The following TCERG1L variants were observed in gnomAD, a reference collection of about 807,000 sequenced individuals.
The protein encoded by TCERG1L is transcription elongation regulator 1-like protein.
Under a neutral mutation model 56.3 loss-of-function variants are expected in TCERG1L, and 37 were observed. That is an observed-to-expected ratio of 0.66 (90% CI 0.51 to 0.87). The LOEUF is 0.87. Ranked by LOEUF, TCERG1L falls within the 40% of genes least tolerant of loss-of-function variation. The probability of loss-of-function intolerance (pLI) is 0.00; values close to 1 mark genes in which losing one functional copy is unlikely to be tolerated. For synonymous variants in TCERG1L, 324 were observed against 326.3 expected (o/e 0.99, Z 0.08); for missense variants, 799 against 774.2 (o/e 1.03, Z -0.38).
chr10:131,198,797 G>A (rs941978678), intron 4 of TCERG1L, among the ~76,000 whole-genome samples: 3 of 147,842 alleles, frequency 2.0e-5, no homozygotes, highest in Non-Finnish European at 3.0e-5. Flanking sequence ...ATGGGGCCCC[G>A]AGCCTCTCTG....
intron 4 of TCERG1L, among the ~76,000 whole-genome samples, chr10:131,170,807 A>C (rs1179211161): frequency 6.6e-6 from 1 of 152,178 alleles, no homozygotes; most frequent in African/African-American, 2.4e-5. Context: ...AAAAGTATTC[A>C]ACACCAGCCT....
rs571577392 is a variant in TCERG1L, at chr10:131,124,145, G to A, written c.1260-7211C>T. Among the ~76,000 whole-genome samples, 3 of 152,258 alleles carry A rather than the reference G, an allele frequency of 2.0e-5. No individual in the cohort carries two copies. In the South Asian group the frequency reaches 6.2e-4, roughly 32 times the overall value. ...GATGCACATCTGCACACACTGCCTG[G>A]CCCTTTGGTCAGGGTTGGACCATCC... On this transcript the variant is annotated intron_variant, in intron 8 of 11. Coordinates refer to ENST00000368642, the MANE Select transcript of TCERG1L (RefSeq NM_174937.4).
chr10:131,293,193 T>TA (rs1846651822), intron 3 of TCERG1L, among the ~76,000 whole-genome samples: 3 of 152,202 alleles, frequency 2.0e-5, no homozygotes, highest in African/African-American at 7.2e-5. Flanking sequence ...CTTTATTTTT[T>TA]ATCATATGCT....
At chr10:131,111,723 C>G (rs933250394) in intron 9 of TCERG1L, among the ~76,000 whole-genome samples, 1 of 143,042 alleles carries the variant, frequency 7.0e-6, no homozygotes, top group African/African-American at 2.5e-5. Flanking sequence ...GATTAGTTAT[C>G]TTGGGGCCTG....
intron 8 of TCERG1L, among the ~76,000 whole-genome samples, chr10:131,131,541 A>G (rs2069481130): frequency 6.6e-6 from 1 of 152,234 alleles, no homozygotes; most frequent in African/African-American, 2.4e-5. Context: ...CACGTAGATT[A>G]GAATATTTCA....
chr10:131,295,480 T>C (rs1221485956), intron 3 of TCERG1L, among the ~76,000 whole-genome samples: 1 of 152,236 alleles, frequency 6.6e-6, no homozygotes, highest in Non-Finnish European at 1.5e-5. Flanking sequence ...CTTTGTTTTG[T>C]TTTCATGAAC....
chr10:131,140,864 G>A (rs539267853), intron 7 of TCERG1L, among the ~76,000 whole-genome samples: 1 of 152,156 alleles, frequency 6.6e-6, no homozygotes, highest in Admixed American at 6.5e-5. Flanking sequence ...TGGAGGTGCC[G>A]CCTGCACTGG....
At position 131,158,323 on chromosome 10, in the gene TCERG1L, T is replaced by G. The variant is rs77520972; in HGVS notation, c.1034+4799A>C. The stretch of plus-strand genomic sequence containing the variant: ...GAAAAATGCTGGAGGAGTTTCACCT[T>G]TGAAAGTGAGTTTCTTCCCTATAAC... On this transcript the variant is annotated intron_variant, in intron 6 of 11. Transcript: ENST00000368642. Among the ~76,000 whole-genome samples, 3,539 of 152,310 alleles carry G rather than the reference T, an allele frequency of 0.023. 195 individuals carry two copies. In the East Asian group the frequency reaches 0.24, roughly 10 times the overall value.
At chr10:131,120,080 G>T (rs927071852) in intron 8 of TCERG1L, among the ~76,000 whole-genome samples, 1 of 152,222 alleles carries the variant, frequency 6.6e-6, no homozygotes, top group South Asian at 2.1e-4. Context: ...CTACCCCTAA[G>T]CAGGGGTGCT....
intron 4 of TCERG1L, among the ~76,000 whole-genome samples, chr10:131,246,762 G>C (rs147107666): frequency 5.4e-4 from 83 of 152,296 alleles, no homozygotes; most frequent in African/African-American, 2.0e-3. Flanking sequence ...TTCCAGCCTT[G>C]AGGCTGGGCC....
At chr10:131,234,207 T>A (rs573832827) in intron 4 of TCERG1L, among the ~76,000 whole-genome samples, 11 of 152,350 alleles carry the variant, frequency 7.2e-5, no homozygotes, top group African/African-American at 2.6e-4. Flanking sequence ...TCATCAGGTA[T>A]TTTTGTTTTG....
At chr10:131,127,399 G>GC (rs1012442346) in intron 8 of TCERG1L, among the ~76,000 whole-genome samples, 14 of 152,324 alleles carry the variant, frequency 9.2e-5, no homozygotes, top group African/African-American at 2.4e-4. Flanking sequence ...CCAGGAGGCA[G>GC]CCCCCGGGCC....
At chr10:131,201,588 T>A (rs1290518562) in intron 4 of TCERG1L, among the ~76,000 whole-genome samples, 2 of 152,218 alleles carry the variant, frequency 1.3e-5, no homozygotes, top group African/African-American at 4.8e-5. Context: ...ATGATTTAAA[T>A]GGCTGCAAAT....
chr10:131,103,192 T>A lies in TCERG1L; in HGVS notation c.1485+1073A>T, dbSNP rs1228430239. ...TGGGAAGAGAGCATTGCAATGGGAATACACATGCCATCGTAAATGACAAGA... is the reference window on the plus strand; with the variant it reads ...TGGGAAGAGAGCATTGCAATGGGAAAACACATGCCATCGTAAATGACAAGA... On this transcript the variant is annotated intron_variant, in intron 10 of 11. Coordinates refer to ENST00000368642, the MANE Select transcript of TCERG1L (RefSeq NM_174937.4). The surrounding 1 kb of genome is among the most constrained non-coding windows in gnomAD (Gnocchi z 4.3). 6.6e-6 allele frequency among the ~76,000 whole-genome samples: 1 copy of A among 151,878 alleles called. No homozygotes were observed. Among genetic ancestry groups the A allele is most frequent in the Non-Finnish European group, 1.5e-5 (1 of 68,000 alleles).
intron 4 of TCERG1L, among the ~76,000 whole-genome samples, chr10:131,171,365 A>G (rs1846091659): frequency 6.6e-6 from 1 of 151,914 alleles, no homozygotes; most frequent in African/African-American, 2.4e-5. Flanking sequence ...GCTTTTCCGT[A>G]TTGCGCTTCT....
rs1013406525 is a variant in TCERG1L at position 131,218,346 on chromosome 10, A to G, written c.856+41913T>C. ...GCACAGCCCTGTGGAAACGCCGCAT[A>G]ATCCTATCAGTTGTCCATCTCCCAC... is the stretch of plus-strand genomic sequence containing the variant. On this transcript the variant is annotated intron_variant, in intron 4 of 11. Coordinates refer to ENST00000368642, the MANE Select transcript of TCERG1L (RefSeq NM_174937.4). Among the ~76,000 whole-genome samples, 3 of 152,166 alleles carry G rather than the reference A, an allele frequency of 2.0e-5. No homozygotes were observed. The South Asian group carries it at 6.2e-4, about 32-fold the overall frequency.
chr10:131,281,165 T>C (rs766838736), intron 3 of TCERG1L, among the ~76,000 whole-genome samples: 2 of 152,228 alleles, frequency 1.3e-5, no homozygotes, highest in African/African-American at 2.4e-5. Flanking sequence ...CCCACTTCTA[T>C]TGCAAATTGT....
At chr10:131,115,551 G>A (rs1040068231) in intron 9 of TCERG1L, among the ~76,000 whole-genome samples, 2 of 152,248 alleles carry the variant, frequency 1.3e-5, no homozygotes, top group Non-Finnish European at 2.9e-5. Flanking sequence ...CTCTCAGCAC[G>A]TGTGTTAATT....
chr10:131,128,610 T>C (rs1313305142), intron 8 of TCERG1L, among the ~76,000 whole-genome samples: 1 of 152,204 alleles, frequency 6.6e-6, no homozygotes, highest in East Asian at 1.9e-4. Context: ...GAAATTGATA[T>C]TTAAAGGAAA....
Sources: allele counts gnomAD v4.1 joint callset (sites outside exome capture counted in the v4.1 genomes callset), GRCh38; gene constraint gnomAD v4.1.1; non-coding constraint Gnocchi (gnomAD v3.1); transcripts MANE v1.5; gene names NCBI Gene and HGNC (gene_info 2026-07-23, HGNC 2026-07-21).